Variants in PSEN1 observed in about 807,000 individuals in gnomAD.
PSEN1 encodes the protein presenilin 1, also known as presenilin-1.
PSEN1 carries 15 observed loss-of-function variants against 53.5 expected under a neutral mutation model. The ratio of observed to expected loss-of-function variants is 0.28; its 90% CI spans 0.19 to 0.43. The LOEUF (loss-of-function observed/expected upper bound fraction) is 0.43, where lower values mean the gene tolerates loss of function less well. Among genes scored for constraint, PSEN1 ranks in the 20% least tolerant of loss-of-function variants. The pLI, the probability that PSEN1 is intolerant of heterozygous loss-of-function variation, is 1.00. For missense variants in PSEN1, 387 were observed against 571.2 expected, an observed-to-expected ratio of 0.68 and a Z score of 3.29; for synonymous variants, 208 against 209.8, an observed-to-expected ratio of 0.99 and a Z score of 0.08.
chr14:73,154,802 A>T (rs1897312098), intron 3 of PSEN1, among the ~76,000 whole-genome samples: 1 of 152,238 alleles, frequency 6.6e-6, no homozygotes, highest in African/African-American at 2.4e-5. Context: ...CAATAAATAT[A>T]TGAAAAGCCT....
At chr14:73,177,496 G>A (rs911193937) in intron 5 of PSEN1, among the ~76,000 whole-genome samples, 12 of 152,068 alleles carry the variant, frequency 7.9e-5, no homozygotes, top group Admixed American at 6.6e-4. Context: ...CAGGACAGCC[G>A]TTTTCTTCTA....
intron 8 of PSEN1, among the ~76,000 whole-genome samples, chr14:73,202,719 T>A (rs1267665664): frequency 1.3e-5 from 2 of 150,934 alleles, no homozygotes; most frequent in African/African-American, 4.9e-5. Flanking sequence ...TAATCTGCCC[T>A]CCTCGGCCTC....
rs563992088 is a variant in PSEN1 at position 73,140,044 on chromosome 14, A to C, written c.-136+3461A>C. On this transcript the variant is annotated intron_variant, in intron 1 of 11. Coordinates refer to ENST00000324501, the MANE Select transcript of PSEN1 (RefSeq NM_000021.4). ...TGTCCATTTCCTCAGAATTTTAGACAATGATTTTGAATAATCATATCTCCC... is the reference window on the plus strand; with the variant it reads ...TGTCCATTTCCTCAGAATTTTAGACCATGATTTTGAATAATCATATCTCCC... Among the ~76,000 whole-genome samples the C allele has an allele frequency of 2.2e-4, 33 of 152,330 alleles. 1 individual carries two copies. The highest frequency in any genetic ancestry group is 6.2e-4 in the South Asian group (3 of 4,826).
At chr14:73,153,396 T>G (rs1897276722) in intron 3 of PSEN1, among the ~76,000 whole-genome samples, 1 of 152,216 alleles carries the variant, frequency 6.6e-6, no homozygotes, top group African/African-American at 2.4e-5. Flanking sequence ...ACCAGTTATG[T>G]CAACTGTTTG....
chr14:73,155,444 T>A (rs988684218), intron 3 of PSEN1, among the ~76,000 whole-genome samples: 1 of 152,202 alleles, frequency 6.6e-6, no homozygotes, highest in African/African-American at 2.4e-5. Context: ...CTTATCAAAA[T>A]TGCCATATTT....
intron 7 of PSEN1, 75 bp from the exon 8 acceptor site, chr14:73,197,956 A>T: frequency 1.2e-6 from 1 of 813,680 alleles, no homozygotes; most frequent in Non-Finnish European, 2.1e-6. Context: ...TCCTTCGTTA[A>T]TTCCTCCCTA....
intron 1 of PSEN1, among the ~76,000 whole-genome samples, chr14:73,142,323 G>T (rs1041816745): frequency 6.6e-6 from 1 of 152,162 alleles, no homozygotes; most frequent in Non-Finnish European, 1.5e-5. Flanking sequence ...TTGAAACTTA[G>T]CATTGCAGTG....
intron 9 of PSEN1, chr14:73,209,012 G>A: frequency 2.7e-6 from 1 of 374,502 alleles, no homozygotes; most frequent in South Asian, 2.0e-5. Context: ...GCATGTCAGT[G>A]CTGCCCCAAG....
At position 73,218,086 on chromosome 14, in the gene PSEN1, C is replaced by CTTTT. The variant is rs58637970; in HGVS notation, c.1248+861_1248+864dup. On this transcript the variant is annotated intron_variant, in intron 11 of 11. Transcript: ENST00000324501. ...TACAGGCGTGAGCCACCGCACCTGG[C>CTTTT]TTTTTTTTTTTTTTTTTTTTTTGGA... Among the ~76,000 whole-genome samples the CTTTT allele has an allele frequency of 8.7e-4, 85 of 97,898 alleles. 1 individual carries two copies. The highest frequency in any genetic ancestry group is 3.3e-3 in the African/African-American group (74 of 22,616). The allele number at this position is 97,898 out of a possible 152,430, so 64.2% of individuals were successfully genotyped here.
intron 3 of PSEN1, among the ~76,000 whole-genome samples, chr14:73,162,431 T>G (rs1397024894): frequency 5.4e-5 from 8 of 147,446 alleles, no homozygotes; most frequent in Non-Finnish European, 9.1e-5. Context: ...TCGTTCTCTC[T>G]CTCGCTCGCT....
chr14:73,167,299 T>G (rs750407129), intron 3 of PSEN1, among the ~76,000 whole-genome samples: 12 of 152,324 alleles, frequency 7.9e-5, no homozygotes, highest in Middle Eastern at 3.4e-3. Flanking sequence ...AAATTCAAAG[T>G]GCTCCCAAAT....
chr14:73,185,424 C>T (rs1029807535), intron 5 of PSEN1, among the ~76,000 whole-genome samples: 5 of 152,196 alleles, frequency 3.3e-5, no homozygotes, highest in African/African-American at 9.6e-5. Flanking sequence ...GCCAACACAG[C>T]GAAACCCCGT....
chr14:73,204,607 A>G (rs963371009), intron 8 of PSEN1, among the ~76,000 whole-genome samples: 1 of 152,088 alleles, frequency 6.6e-6, no homozygotes, highest in Non-Finnish European at 1.5e-5. Flanking sequence ...TTTACAGAAA[A>G]AGTTAGCTGG....
intron 6 of PSEN1, among the ~76,000 whole-genome samples, chr14:73,190,254 G>A (rs750273239): frequency 1.3e-5 from 2 of 152,138 alleles, no homozygotes; most frequent in African/African-American, 2.4e-5. Flanking sequence ...TTGGGAGGCC[G>A]AGGTGGGAGG....
intron 3 of PSEN1, among the ~76,000 whole-genome samples, chr14:73,150,606 A>C (rs1332750674): frequency 6.6e-6 from 1 of 151,686 alleles, no homozygotes; most frequent in Non-Finnish European, 1.5e-5. Flanking sequence ...TACTAAAAAA[A>C]AATGCAAAAT....
At chr14:73,185,481 G>T (rs1167489321) in intron 5 of PSEN1, among the ~76,000 whole-genome samples, 1 of 152,224 alleles carries the variant, frequency 6.6e-6, no homozygotes, top group African/African-American at 2.4e-5. Flanking sequence ...TGCAATCGCA[G>T]GCACTCGGCA....
At chr14:73,190,480 CTATT>C (rs1247992521) in intron 6 of PSEN1, among the ~76,000 whole-genome samples, 1 of 130,670 alleles carries the variant, frequency 7.7e-6, no homozygotes, top group Non-Finnish European at 1.6e-5. Flanking sequence ...GACCTTGTCT[CTATT>C]TAAAAAAAAA....
intron 5 of PSEN1, among the ~76,000 whole-genome samples, chr14:73,177,678 A>AT (rs1469021286): frequency 6.6e-6 from 1 of 152,176 alleles, no homozygotes; most frequent in Non-Finnish European, 1.5e-5. Context: ...CCTTTTCAGC[A>AT]TTTAAAAAAT....
At chr14:73,198,825 G>A (rs1313095012) in intron 8 of PSEN1, among the ~76,000 whole-genome samples, 2 of 152,172 alleles carry the variant, frequency 1.3e-5, no homozygotes. Flanking sequence ...CCAGGATGGA[G>A]TACAGTAGTG....
Sources: allele counts gnomAD v4.1 joint callset (sites outside exome capture counted in the v4.1 genomes callset), GRCh38; gene constraint gnomAD v4.1.1; transcripts MANE v1.5; gene names NCBI Gene and HGNC (gene_info 2026-07-23, HGNC 2026-07-21).